The following COL28A1 variants were observed in gnomAD, a reference collection of about 807,000 sequenced individuals.
COL28A1 encodes collagen type XXVIII alpha 1 chain, also known as collagen alpha-1(XXVIII) chain.
COL28A1 carries 161 observed loss-of-function variants against 150.2 expected under a neutral mutation model. The observed-to-expected ratio is 1.07, with a 90% CI of 0.94 to 1.22. The LOEUF (loss-of-function observed/expected upper bound fraction) is 1.22. Among genes scored for constraint, COL28A1 ranks in the 50% most tolerant of loss-of-function variants. COL28A1 has a pLI of 0.00. For missense variants in COL28A1, 1,617 were observed against 1,388.3 expected (o/e 1.16, Z -2.62); for synonymous variants, 552 against 469.7 (o/e 1.18, Z -2.26).
At chr7:7,352,070 C>T (rs142111845), downstream of COL28A1, among the ~76,000 whole-genome samples, 29 of 152,314 alleles carry the variant, frequency 1.9e-4, no homozygotes, top group Non-Finnish European at 4.0e-4. Flanking sequence ...CCACAACCCT[C>T]ACTCATTGAT....
intron 30 of COL28A1, among the ~76,000 whole-genome samples, chr7:7,380,157 G>A (rs1427771734): frequency 2.0e-5 from 3 of 152,148 alleles, no homozygotes; most frequent in Non-Finnish European, 4.4e-5. Flanking sequence ...TGTTCTTAAT[G>A]GTGTGGGGAG....
At chr7:7,370,404 C>G (rs1235267158) in intron 33 of COL28A1, among the ~76,000 whole-genome samples, 1 of 152,114 alleles carries the variant, frequency 6.6e-6, no homozygotes, top group East Asian at 1.9e-4. Context: ...AGCATGGCAA[C>G]TAGGTGAATT....
At chr7:7,414,702 C>T (rs1783973191) in intron 27 of COL28A1, among the ~76,000 whole-genome samples, 1 of 152,196 alleles carries the variant, frequency 6.6e-6, no homozygotes, top group Non-Finnish European at 1.5e-5. Context: ...CTCCCACATT[C>T]CTTCCAGTCA....
intron 9 of COL28A1, among the ~76,000 whole-genome samples, chr7:7,507,392 T>C (rs961432342): frequency 6.6e-6 from 1 of 152,244 alleles, no homozygotes; most frequent in African/African-American, 2.4e-5. Flanking sequence ...TGTAAGTCCG[T>C]TGCCTACATA....
At chr7:7,484,122 A>G (rs1779497818) in intron 13 of COL28A1, among the ~76,000 whole-genome samples, 2 of 152,334 alleles carry the variant, frequency 1.3e-5, no homozygotes, top group Non-Finnish European at 2.9e-5. Flanking sequence ...CTGAAAAAGT[A>G]TATGTGAAAA....
chr7:7,412,009 A>G (rs1429907260), intron 27 of COL28A1, among the ~76,000 whole-genome samples: 1 of 152,146 alleles, frequency 6.6e-6, no homozygotes, highest in Non-Finnish European at 1.5e-5. Context: ...GAAACAGGCT[A>G]AATTATGAAT....
intron 27 of COL28A1, among the ~76,000 whole-genome samples, chr7:7,385,355 G>C (rs142932543): frequency 6.6e-6 from 1 of 152,242 alleles, no homozygotes; most frequent in Non-Finnish European, 1.5e-5. Context: ...AAGGCTCATG[G>C]GAGAACACTA....
At chr7:7,451,249 T>A (rs778066240) in intron 18 of COL28A1, among the ~76,000 whole-genome samples, 9 of 151,840 alleles carry the variant, frequency 5.9e-5, no homozygotes, top group Non-Finnish European at 1.3e-4. Context: ...TTTTTTAAGA[T>A]GGAGTCTCAC....
chr7:7,502,809 T>C (rs1780609065), intron 11 of COL28A1, among the ~76,000 whole-genome samples: 1 of 83,308 alleles, frequency 1.2e-5, no homozygotes, highest in Non-Finnish European at 2.1e-5. Context: ...GCCATTCTCC[T>C]GCCTCAGCCT....
At chr7:7,499,694 C>T (rs1780417688) in intron 11 of COL28A1, among the ~76,000 whole-genome samples, 1 of 152,068 alleles carries the variant, frequency 6.6e-6, no homozygotes, top group South Asian at 2.1e-4. Flanking sequence ...ACACAAGATG[C>T]TTGTTTGAGG....
chr7:7,507,536 A>G (rs1379787631), intron 9 of COL28A1, among the ~76,000 whole-genome samples: 1 of 152,234 alleles, frequency 6.6e-6, no homozygotes, highest in African/African-American at 2.4e-5. Flanking sequence ...GTGCATTTCC[A>G]TGCTATCTAG....
At chr7:7,400,906 A>G (rs115693561) in intron 27 of COL28A1, among the ~76,000 whole-genome samples, 2,499 of 151,106 alleles carry the variant, frequency 0.017, 52 homozygotes, top group African/African-American at 0.057. Context: ...TAATTCATCA[A>G]TTAAGACTTT....
chr7:7,467,792 G>C (rs1788155568), intron 15 of COL28A1, among the ~76,000 whole-genome samples: 1 of 127,910 alleles, frequency 7.8e-6, no homozygotes. Flanking sequence ...TAGAACTCAG[G>C]ATTAAAAATC....
chr7:7,361,212 T>C (rs1780635104), intron 33 of COL28A1, among the ~76,000 whole-genome samples: 1 of 152,240 alleles, frequency 6.6e-6, no homozygotes, highest in Non-Finnish European at 1.5e-5. Flanking sequence ...AAAGGATTTT[T>C]GTTTCAAAAG....
chr7:7,351,964 G>C (rs1315385936), downstream of COL28A1, among the ~76,000 whole-genome samples: 1 of 152,098 alleles, frequency 6.6e-6, no homozygotes, highest in Admixed American at 6.6e-5. Flanking sequence ...ATTACTGATA[G>C]AACACACTCT....
At chr7:7,427,257 T>C (rs889238703) in intron 25 of COL28A1, among the ~76,000 whole-genome samples, 5 of 152,208 alleles carry the variant, frequency 3.3e-5, no homozygotes, top group Admixed American at 3.3e-4. Flanking sequence ...CTGAAACCTC[T>C]GGGTCAAACT....
At chr7:7,415,227 C>T (rs185567757) in intron 27 of COL28A1, among the ~76,000 whole-genome samples, 35 of 152,340 alleles carry the variant, frequency 2.3e-4, no homozygotes, top group Non-Finnish European at 3.5e-4. Context: ...GGCTACTAAG[C>T]ACACACACCT....
the COL28A1 span, among the ~76,000 whole-genome samples, chr7:7,339,316 T>C: frequency 6.6e-6 from 1 of 152,172 alleles, no homozygotes; most frequent in Admixed American, 6.6e-5. Context: ...TTAAGTATCC[T>C]AGTCTTGCAC....
intron 9 of COL28A1, 120 bp downstream of exon 9, chr7:7,510,971 G>T: frequency 1.3e-6 from 1 of 751,118 alleles, no homozygotes; most frequent in Non-Finnish European, 2.3e-6. Flanking sequence ...GTGAAAAATT[G>T]AGCCATTGAT....
Sources: allele counts gnomAD v4.1 joint callset (sites outside exome capture counted in the v4.1 genomes callset), GRCh38; gene constraint gnomAD v4.1.1; transcripts MANE v1.5; gene names NCBI Gene and HGNC (gene_info 2026-07-23, HGNC 2026-07-21).